FAT3: variants seen among roughly 807,000 people sequenced by gnomAD.
The protein encoded by FAT3 is FAT atypical cadherin 3, also known as protocadherin Fat 3.
Under a neutral mutation model 310.2 loss-of-function variants are expected in FAT3, and 95 were observed. The observed-to-expected ratio is 0.31, with a 90% confidence interval of 0.26 to 0.36. The LOEUF (loss-of-function observed/expected upper bound fraction) is 0.36, where lower values mean the gene tolerates loss of function less well. Ranked by LOEUF, FAT3 falls within the 10% of genes least tolerant of loss-of-function variation. The pLI, the probability that FAT3 is intolerant of heterozygous loss-of-function variation, is 1.00. For missense variants in FAT3, 5,408 were observed against 5,715.6 expected, an observed-to-expected ratio of 0.95 and a Z score of 1.74; for synonymous variants, 2,314 against 2,192.9, an observed-to-expected ratio of 1.06 and a Z score of -1.54.
At chr11:92,622,835 C>T (rs1187250940) in intron 3 of FAT3, among the ~76,000 whole-genome samples, 1 of 152,178 alleles carries the variant, frequency 6.6e-6, no homozygotes, top group East Asian at 1.9e-4. Context: ...TGCTCTTCTT[C>T]CCTGAGACTC....
intron 2 of FAT3, among the ~76,000 whole-genome samples, chr11:92,381,833 T>C (rs1949500675): frequency 6.6e-6 from 1 of 152,186 alleles, no homozygotes; most frequent in African/African-American, 2.4e-5. Flanking sequence ...ATTTTTGAAA[T>C]GTTGATTGAA....
At chr11:92,579,681 GA>G (rs956338410) in intron 3 of FAT3, among the ~76,000 whole-genome samples, 6 of 151,554 alleles carry the variant, frequency 4.0e-5, no homozygotes, top group Admixed American at 2.0e-4. Flanking sequence ...CCACTTTAAA[GA>G]AAAAAAATAC....
intron 1 of FAT3, among the ~76,000 whole-genome samples, chr11:92,335,850 C>T (rs973130301): frequency 5.9e-5 from 9 of 152,164 alleles, no homozygotes; most frequent in Admixed American, 5.2e-4. Context: ...TTAGGACAAT[C>T]ATTCCAAAAT....
chr11:92,876,925 A>AGAGT (rs1340338937), intron 22 of FAT3, among the ~76,000 whole-genome samples: 1 of 152,260 alleles, frequency 6.6e-6, no homozygotes, highest in Non-Finnish European at 1.5e-5. Context: ...CCTTCAAGTA[A>AGAGT]GAGTGAGAAT....
chr11:92,548,821 G>T (rs371085156), intron 3 of FAT3, among the ~76,000 whole-genome samples: 1 of 152,138 alleles, frequency 6.6e-6, no homozygotes, highest in African/African-American at 2.4e-5. Flanking sequence ...TATTTTAAAT[G>T]TAATTTAAAC....
intron 3 of FAT3, among the ~76,000 whole-genome samples, chr11:92,539,159 A>G (rs774209892): frequency 2.8e-4 from 43 of 152,332 alleles, no homozygotes; most frequent in Non-Finnish European, 5.6e-4. Context: ...TGTCATAGTG[A>G]GAAATGCATT....
intron 1 of FAT3, among the ~76,000 whole-genome samples, chr11:92,243,348 G>A (rs1404074801): frequency 1.3e-5 from 2 of 152,000 alleles, no homozygotes; most frequent in Non-Finnish European, 2.9e-5. Context: ...TTGAATGTGT[G>A]CAGGCGTCGG....
chr11:92,237,488 T>A lies in FAT3; in HGVS notation c.-18+12314T>A, dbSNP rs182903560. ...ATATAACTTTTAATCATTATTAATA[T>A]CCCTGATGAGAACTAAATGTGGACC... On this transcript the variant is annotated intron_variant, in intron 1 of 27. Coordinates refer to ENST00000525166, the MANE Select transcript of FAT3 (RefSeq NM_001367949.2). 4.6e-4 allele frequency among the ~76,000 whole-genome samples: 70 copies of A among 152,266 alleles called. No individual in the cohort carries two copies. The East Asian group carries it at 9.5e-3, about 21-fold the overall frequency.
At chr11:92,802,751 A>G (rs1316384109) in intron 10 of FAT3, among the ~76,000 whole-genome samples, 1 of 152,238 alleles carries the variant, frequency 6.6e-6, no homozygotes, top group Non-Finnish European at 1.5e-5. Flanking sequence ...ATTGTAAAGA[A>G]TCATCAATAC....
At chr11:92,652,618 A>G (rs1490549431) in intron 3 of FAT3, among the ~76,000 whole-genome samples, 3 of 152,202 alleles carry the variant, frequency 2.0e-5, no homozygotes, top group South Asian at 4.1e-4. Context: ...TCTTCTTCCC[A>G]TGGATATTTC....
chr11:92,689,334 G>C lies in FAT3; in HGVS notation c.3608-8050G>C, dbSNP rs543963091. ...TTGATTATCCAATATTCAGAATTAT[G>C]AAAAAAATCTTGGCAGAAAGGGAAA... On this transcript the variant is annotated intron_variant, in intron 3 of 27. Coordinates refer to ENST00000525166, the MANE Select transcript of FAT3 (RefSeq NM_001367949.2). Among the ~76,000 whole-genome samples, 7 of 152,130 alleles carry C rather than the reference G, an allele frequency of 4.6e-5. No homozygotes were observed. The East Asian group carries it at 1.4e-3, about 29-fold the overall frequency.
intron 2 of FAT3, among the ~76,000 whole-genome samples, chr11:92,367,506 C>A (rs927523883): frequency 6.6e-6 from 1 of 152,038 alleles, no homozygotes; most frequent in African/African-American, 2.4e-5. Context: ...CACCTGCAGT[C>A]CCAGCTAGTG....
At chr11:92,453,919 TTTTA>T (rs1951430193) in intron 2 of FAT3, among the ~76,000 whole-genome samples, 1 of 152,230 alleles carries the variant, frequency 6.6e-6, no homozygotes, top group South Asian at 2.1e-4. Context: ...AAGGAAATTC[TTTTA>T]TTTGTTTTTT....
At chr11:92,822,725 C>G (rs1948001413) in intron 13 of FAT3, among the ~76,000 whole-genome samples, 1 of 152,152 alleles carries the variant, frequency 6.6e-6, no homozygotes, top group South Asian at 2.1e-4. Flanking sequence ...TTAACTTAGG[C>G]CCAGTTTCTA....
intron 3 of FAT3, among the ~76,000 whole-genome samples, chr11:92,644,666 G>T (rs1942085475): frequency 6.6e-6 from 1 of 152,190 alleles, no homozygotes. Flanking sequence ...CACGTGACTT[G>T]ACTGTCCTGA....
intron 3 of FAT3, among the ~76,000 whole-genome samples, chr11:92,562,503 G>C (rs1339417396): frequency 6.6e-6 from 1 of 152,086 alleles, no homozygotes; most frequent in Non-Finnish European, 1.5e-5. Context: ...TATAGGTCAG[G>C]GTTCTCCAGA....
intron 3 of FAT3, among the ~76,000 whole-genome samples, chr11:92,679,995 A>G (rs911293026): frequency 6.6e-6 from 1 of 151,622 alleles, no homozygotes; most frequent in African/African-American, 2.4e-5. Context: ...GTATATTCTG[A>G]ATATTTGTCC....
intron 2 of FAT3, among the ~76,000 whole-genome samples, chr11:92,401,778 A>G (rs1009859365): frequency 4.6e-5 from 7 of 152,310 alleles, no homozygotes; most frequent in Non-Finnish European, 1.0e-4. Flanking sequence ...AGCTAGGAGG[A>G]GAGGAACAAA....
intron 13 of FAT3, 47 bp downstream of exon 13, chr11:92,810,123 C>T (rs751885173): frequency 1.3e-6 from 2 of 1,518,908 alleles, no homozygotes; most frequent in Non-Finnish European, 9.1e-7. Flanking sequence ...GACACTTTGT[C>T]TTCAGGTGCT....
Sources: gnomAD v4.1 joint callset for allele counts (sites outside exome capture counted in the v4.1 genomes callset) on GRCh38, gnomAD v4.1.1 for gene constraint, MANE v1.5 for transcripts, NCBI Gene and HGNC (gene_info 2026-07-23, HGNC 2026-07-21) for gene names.